Variants in LPP observed in about 807,000 individuals in gnomAD.
LPP encodes the protein LIM domain containing preferred translocation partner in lipoma.
In LPP, 38 loss-of-function variants were observed where a neutral mutation model predicts 60.4. That is an observed-to-expected ratio of 0.63 (90% CI 0.49 to 0.83). The LOEUF is 0.83. Among genes scored for constraint, LPP ranks in the 40% least tolerant of loss-of-function variants. LPP has a pLI of 0.00. For missense variants in LPP, 902 were observed against 783.6 expected (o/e 1.15, Z -1.80); for synonymous variants, 328 against 290.8 (o/e 1.13, Z -1.30).
intron 7 of LPP, among the ~76,000 whole-genome samples, chr3:188,677,408 G>A (rs1858370604): frequency 6.6e-6 from 1 of 152,012 alleles, no homozygotes; most frequent in Admixed American, 6.6e-5. Flanking sequence ...TTTATCTGTG[G>A]CTTTGTGAAA....
intron 1 of LPP, among the ~76,000 whole-genome samples, chr3:188,224,330 G>A (rs1716921930): frequency 6.6e-6 from 1 of 152,150 alleles, no homozygotes; most frequent in Admixed American, 6.6e-5. Context: ...AATGTTTACA[G>A]TGACAACAAT....
intron 8 of LPP, among the ~76,000 whole-genome samples, chr3:188,719,078 C>T (rs548249787): frequency 2.0e-5 from 3 of 152,216 alleles, no homozygotes; most frequent in South Asian, 2.1e-4. Flanking sequence ...ATTGTTTTAA[C>T]ACCTTTGGAC....
At chr3:188,524,005 A>G (rs66886767) in intron 5 of LPP, among the ~76,000 whole-genome samples, 29,666 of 152,128 alleles carry the variant, frequency 0.2, 4,011 homozygotes, top group East Asian at 0.72. Context: ...TTCTGACTGC[A>G]GGTAATACGA....
intron 4 of LPP, among the ~76,000 whole-genome samples, chr3:188,408,767 T>C (rs977000576): frequency 9.4e-5 from 14 of 149,624 alleles, no homozygotes; most frequent in African/African-American, 3.3e-4. Context: ...TTTTTTTTTT[T>C]CTTATAAAGA....
chr3:188,846,976 C>T (rs781001337), intron 9 of LPP, among the ~76,000 whole-genome samples: 6 of 152,148 alleles, frequency 3.9e-5, no homozygotes, highest in Non-Finnish European at 5.9e-5. Context: ...CACATCTGCC[C>T]TGAGGTCAGA....
chr3:188,188,115 T>G (rs1267585291), intron 1 of LPP, among the ~76,000 whole-genome samples: 1 of 152,216 alleles, frequency 6.6e-6, no homozygotes, highest in Non-Finnish European at 1.5e-5. Flanking sequence ...TTTCATTAAA[T>G]TATTTTATAT....
intron 8 of LPP, among the ~76,000 whole-genome samples, chr3:188,746,171 C>T (rs1726122609): frequency 6.6e-6 from 1 of 152,184 alleles, no homozygotes; most frequent in Non-Finnish European, 1.5e-5. Flanking sequence ...ATCATTATGG[C>T]ACTCCCTAGT....
intron 6 of LPP, among the ~76,000 whole-genome samples, chr3:188,589,130 ATACATATATATG>A (rs1362832441): frequency 7.9e-5 from 12 of 151,962 alleles, no homozygotes; most frequent in African/African-American, 2.4e-4. Context: ...TTATATCTAT[ATACATATATATG>A]TACATATATA....
At chr3:188,230,081 A>C (rs887646797) in intron 2 of LPP, among the ~76,000 whole-genome samples, 1 of 151,930 alleles carries the variant, frequency 6.6e-6, no homozygotes, top group Non-Finnish European at 1.5e-5. Context: ...AATACACATT[A>C]GAAACATATT....
chr3:188,210,108 A>G (rs541554391), intron 1 of LPP, among the ~76,000 whole-genome samples: 2 of 152,294 alleles, frequency 1.3e-5, no homozygotes, highest in African/African-American at 4.8e-5. Context: ...AAAAATACAA[A>G]TAAAAAAACC....
intron 7 of LPP, among the ~76,000 whole-genome samples, chr3:188,616,491 T>C (rs1844875355): frequency 6.6e-6 from 1 of 152,206 alleles, no homozygotes; most frequent in African/African-American, 2.4e-5. Context: ...TACTGTAGCC[T>C]TGTAGTATAG....
chr3:188,629,561 A>C (rs1279911401), intron 7 of LPP, among the ~76,000 whole-genome samples: 1 of 152,166 alleles, frequency 6.6e-6, no homozygotes, highest in Non-Finnish European at 1.5e-5. Context: ...CAGCTGAAAT[A>C]AATCAGAGAT....
intron 3 of LPP, among the ~76,000 whole-genome samples, chr3:188,391,959 C>A (rs1463549537): frequency 6.6e-6 from 1 of 152,152 alleles, no homozygotes; most frequent in Non-Finnish European, 1.5e-5. Context: ...AAATATCAAG[C>A]CAATTACATA....
At chr3:188,736,041 A>G (rs1241242080) in intron 8 of LPP, among the ~76,000 whole-genome samples, 1 of 152,246 alleles carries the variant, frequency 6.6e-6, no homozygotes, top group Non-Finnish European at 1.5e-5. Flanking sequence ...TCAAAAAAGT[A>G]GTGTTTTCAA....
chr3:188,805,371 T>C (rs948021365), intron 9 of LPP, among the ~76,000 whole-genome samples: 2 of 152,118 alleles, frequency 1.3e-5, no homozygotes, highest in South Asian at 4.1e-4. Context: ...TCTTGTTAAT[T>C]GACAGTTTGC....
At chr3:188,560,296 A>C (rs765983823) in intron 6 of LPP, among the ~76,000 whole-genome samples, 1 of 152,082 alleles carries the variant, frequency 6.6e-6, no homozygotes, top group East Asian at 1.9e-4. Flanking sequence ...GGAGTCGTCT[A>C]TGCACAGATA....
At position 188,882,873 on chromosome 3, in the gene LPP, G is replaced by A. The variant is rs1390097015; in HGVS notation, c.*8394G>A. On this transcript the variant is annotated 3_prime_UTR_variant, in exon 12 of 12. Transcript: ENST00000617246. The stretch of plus-strand genomic sequence containing the variant: ...CCTGCCTCAGCCTCCCGAGTAGCTG[G>A]GACTACAGACGCCCGCCACCGCGCC... 1 of 181,452 alleles carries A rather than the reference G, an allele frequency of 5.5e-6. No individual in the cohort carries two copies. Among genetic ancestry groups the A allele is most frequent in the East Asian group, 9.1e-5 (1 of 11,036 alleles). The allele number at this position is 181,452 out of a possible 1,614,324, so 11.2% of individuals were successfully genotyped here.
chr3:188,490,537 T>C (rs377321325), intron 5 of LPP, among the ~76,000 whole-genome samples: 1 of 151,810 alleles, frequency 6.6e-6, no homozygotes, highest in Non-Finnish European at 1.5e-5. Context: ...TAATTTTTTG[T>C]ATTTTTAGTA....
chr3:188,762,566 T>C (rs567982395), intron 9 of LPP, among the ~76,000 whole-genome samples: 1 of 152,246 alleles, frequency 6.6e-6, no homozygotes, highest in African/African-American at 2.4e-5. Context: ...GATTAAATAA[T>C]AGGTTTCTAC....
Sources: allele counts gnomAD v4.1 joint callset (sites outside exome capture counted in the v4.1 genomes callset), GRCh38; gene constraint gnomAD v4.1.1; transcripts MANE v1.5; gene names NCBI Gene and HGNC (gene_info 2026-07-23, HGNC 2026-07-21).